PCLO: variants seen among roughly 807,000 people sequenced by gnomAD.
PCLO encodes the protein protein piccolo.
In PCLO, 82 loss-of-function variants were observed where a neutral mutation model predicts 427.5. That is an observed-to-expected ratio of 0.19 (90% CI 0.16 to 0.23). PCLO has a LOEUF of 0.23. Among genes scored for constraint, PCLO ranks in the 10% least tolerant of loss-of-function variants. PCLO has a pLI of 1.00. For missense variants in PCLO, 6,239 were observed against 6,115.9 expected, an observed-to-expected ratio of 1.02 and a Z score of -0.67; for synonymous variants, 2,357 against 2,155.4, an observed-to-expected ratio of 1.09 and a Z score of -2.59.
rs201274261 is a variant in PCLO, at chr7:82,966,079, C to G, written c.3709G>C (p.Glu1237Gln). 22 of 1,611,878 alleles carry G rather than the reference C, an allele frequency of 1.4e-5. No homozygotes were observed. Among genetic ancestry groups the G allele is most frequent in the Non-Finnish European group, 1.8e-5 (21 of 1,179,478 alleles). The change falls in exon 4 of 25, where the codon GAA (glutamate) becomes CAA (glutamine). Residue 1237 changes from glutamate (E) to glutamine (Q), a missense_variant. This residue lies in a region of PCLO where 4,677 missense variants were observed against 4,468.4 expected (regional missense o/e 1.05). Transcript: ENST00000333891. ...IRSEEKKPLL[E>Q]EKKPTPEDKK... is the part of the protein sequence containing the mutation. ...TCTTCAGGGGTTGGCTTTTTTTCTT[C>G]TAGGAGTGGCTTTTTTTCTTCAGAA...
intron 6 of PCLO, among the ~76,000 whole-genome samples, chr7:82,922,190 G>T (rs907157434): frequency 2.0e-5 from 3 of 151,818 alleles, no homozygotes; most frequent in African/African-American, 7.3e-5. Flanking sequence ...GTTTCTCAAA[G>T]AACTTAAAAA....
intron 3 of PCLO, among the ~76,000 whole-genome samples, chr7:82,990,517 A>G (rs1796353573): frequency 6.6e-6 from 1 of 152,162 alleles, no homozygotes; most frequent in Admixed American, 6.6e-5. Flanking sequence ...TTACTGAGAT[A>G]ATGAATGGGA....
At chr7:82,934,434 C>T (rs1794905789) in intron 6 of PCLO, among the ~76,000 whole-genome samples, 2 of 151,804 alleles carry the variant, frequency 1.3e-5, no homozygotes, top group African/African-American at 4.8e-5. Context: ...GCCATGATGA[C>T]AACTGTAACA....
intron 22 of PCLO, among the ~76,000 whole-genome samples, chr7:82,785,703 A>G (rs1446718618): frequency 6.6e-6 from 1 of 152,032 alleles, no homozygotes; most frequent in Non-Finnish European, 1.5e-5. Context: ...AAGTAAGCTG[A>G]GGGGTGGGTC....
At chr7:83,121,786 A>G (rs955731038) in intron 3 of PCLO, among the ~76,000 whole-genome samples, 7 of 152,200 alleles carry the variant, frequency 4.6e-5, no homozygotes, top group African/African-American at 1.7e-4. Context: ...GAAGGTAATA[A>G]TATAATGATA....
At chr7:82,997,980 C>T (rs553246712) in intron 3 of PCLO, among the ~76,000 whole-genome samples, 1 of 152,058 alleles carries the variant, frequency 6.6e-6, no homozygotes, top group Non-Finnish European at 1.5e-5. Context: ...GCTGAACAAA[C>T]TGAAAAACCA....
At chr7:82,811,938 A>G (rs1791580742) in intron 20 of PCLO, among the ~76,000 whole-genome samples, 1 of 150,866 alleles carries the variant, frequency 6.6e-6, no homozygotes, top group African/African-American at 2.4e-5. Flanking sequence ...TTTTATATAT[A>G]TATGTAAACA....
chr7:82,877,494 A>G (rs1390026228), intron 10 of PCLO, among the ~76,000 whole-genome samples: 1 of 152,146 alleles, frequency 6.6e-6, no homozygotes. Flanking sequence ...TAACACCAAA[A>G]ATTATCATTG....
chr7:82,990,109 T>A (rs935393691), intron 3 of PCLO, among the ~76,000 whole-genome samples: 1 of 151,982 alleles, frequency 6.6e-6, no homozygotes, highest in African/African-American at 2.4e-5. Flanking sequence ...CCTCAATAGG[T>A]AGCCATGAAG....
intron 3 of PCLO, among the ~76,000 whole-genome samples, chr7:83,128,941 G>A (rs992311267): frequency 3.3e-5 from 5 of 152,048 alleles, no homozygotes; most frequent in Admixed American, 2.6e-4. Flanking sequence ...CCATGTAACA[G>A]CCATCATTAT....
chr7:82,978,655 T>TA (rs1331483534), intron 3 of PCLO, among the ~76,000 whole-genome samples: 3 of 152,186 alleles, frequency 2.0e-5, no homozygotes, highest in Admixed American at 6.6e-5. Context: ...CATGTCTACA[T>TA]CCTCATTTAG....
chr7:82,974,871 C>T (rs1346418877), intron 3 of PCLO, among the ~76,000 whole-genome samples: 5 of 151,938 alleles, frequency 3.3e-5, no homozygotes, highest in African/African-American at 9.7e-5. Context: ...CTCCATCTCA[C>T]GGGTTCATGC....
intron 3 of PCLO, among the ~76,000 whole-genome samples, chr7:83,117,683 G>A (rs1375554025): frequency 1.6e-4 from 24 of 152,160 alleles, no homozygotes; most frequent in Non-Finnish European, 5.9e-5. Flanking sequence ...TCACCCCCAT[G>A]GGAGTCAGGG....
At position 82,956,626 on chromosome 7, in the gene PCLO, G is replaced by T. The variant is rs776267201; in HGVS notation, c.4327C>A (p.Pro1443Thr). The change falls in exon 5 of 25, where the codon CCT (proline) becomes ACT (threonine). Residue 1443 changes from proline to threonine, a missense_variant. By Grantham distance (38) the Pro-to-Thr change is conservative. Around this residue, in one of 5 missense-constraint regions of PCLO, gnomAD observed 4,677 missense variants for 4,468.4 expected, o/e 1.05. Transcript: ENST00000333891. ...TTCTCTTGGTCTTTAGGCTGTTCAGGAGAAACTTCATGGGGTTGTGTTTTC... is the reference window on the plus strand; with the variant it reads ...TTCTCTTGGTCTTTAGGCTGTTCAGTAGAAACTTCATGGGGTTGTGTTTTC... The part of the protein sequence containing the change: ...EKKTQPHEVS[P>T]EQPKDQEKTQ... 2 of 1,613,812 alleles carry T rather than the reference G, an allele frequency of 1.2e-6. No individual in the cohort carries two copies. Among genetic ancestry groups the T allele is most frequent in the Non-Finnish European group, 1.7e-6 (2 of 1,179,846 alleles).
At chr7:83,071,012 T>G (rs1357151868) in intron 3 of PCLO, among the ~76,000 whole-genome samples, 8 of 103,104 alleles carry the variant, frequency 7.8e-5, no homozygotes, top group African/African-American at 2.5e-4. Flanking sequence ...TCTTTTTCTA[T>G]TTTTTTTTTT....
rs1354311214 is a variant in PCLO, at chr7:82,954,418, A to T, written c.6535T>A (p.Ser2179Thr). 2.5e-5 allele frequency: 40 copies of T among 1,613,824 alleles called. No individual in the cohort carries two copies. Among genetic ancestry groups the T allele is most frequent in the Non-Finnish European group, 3.2e-5 (38 of 1,179,852 alleles). ...GATGATGTGAGAGAAGGTGTGTCAG[A>T]GGGTGGGACAGATGTAGCACTTTCT... ...PSESATSVPP[S>T]DTPSLTSSVS... Residue 2179 changes from serine to threonine, a missense_variant, in exon 5 of 25, where the codon TCT (serine) becomes ACT (threonine). Physicochemically the swap from Ser to Thr is moderately conservative, Grantham distance 58. Transcript: ENST00000333891.
intron 1 of PCLO, among the ~76,000 whole-genome samples, chr7:83,157,330 G>A (rs1792326757): frequency 6.6e-6 from 1 of 152,206 alleles, no homozygotes; most frequent in Non-Finnish European, 1.5e-5. Context: ...TTTATGGGAA[G>A]CATAATAGAT....
chr7:83,003,490 A>G (rs1787874387), intron 3 of PCLO, among the ~76,000 whole-genome samples: 1 of 151,878 alleles, frequency 6.6e-6, no homozygotes, highest in African/African-American at 2.4e-5. Flanking sequence ...ATGGAAACAC[A>G]TAAAAATATG....
intron 9 of PCLO, among the ~76,000 whole-genome samples, chr7:82,887,250 A>G (rs1448133418): frequency 6.6e-6 from 1 of 152,180 alleles, no homozygotes; most frequent in African/African-American, 2.4e-5. Context: ...CTGAGAACTC[A>G]TCGTTTTTCT....
Sources: allele counts gnomAD v4.1 joint callset (sites outside exome capture counted in the v4.1 genomes callset), GRCh38; gene constraint gnomAD v4.1.1; regional missense constraint gnomAD v4.1.1; transcripts MANE v1.5; gene names NCBI Gene and HGNC (gene_info 2026-07-23, HGNC 2026-07-21).